The following ALPK2 variants were observed in gnomAD, a reference collection of about 807,000 sequenced individuals.
ALPK2 encodes alpha kinase 2.
Under a neutral mutation model 163.1 loss-of-function variants are expected in ALPK2, and 127 were observed. That is an observed-to-expected ratio of 0.78 (90% CI 0.67 to 0.90). The LOEUF is 0.90. ALPK2 is among the 40% of genes least tolerant of loss of function. ALPK2 has a pLI of 0.00. For synonymous variants in ALPK2, 953 were observed against 959.1 expected, an observed-to-expected ratio of 0.99 and a Z score of 0.12; for missense variants, 2,360 against 2,589.6, an observed-to-expected ratio of 0.91 and a Z score of 1.92.
At chr18:58,578,560 A>G (rs569494013) in intron 4 of ALPK2, 42 of 349,362 alleles carry the variant, frequency 1.2e-4, no homozygotes, top group Non-Finnish European at 1.8e-4. Context: ...CTTAACTTCT[A>G]TCAGTCTTTT....
intron 4 of ALPK2, among the ~76,000 whole-genome samples, chr18:58,565,492 T>C (rs1452281367): frequency 6.6e-6 from 1 of 152,230 alleles, no homozygotes; most frequent in East Asian, 1.9e-4. Context: ...GAGCAACTTC[T>C]TGCATATTTA....
intron 3 of ALPK2, among the ~76,000 whole-genome samples, chr18:58,592,912 T>C (rs1018680354): frequency 4.6e-5 from 7 of 152,324 alleles, no homozygotes; most frequent in African/African-American, 1.7e-4. Context: ...TATAAAGTGC[T>C]GAAAGCAAAG....
At chr18:58,591,333 A>C (rs968203690) in intron 3 of ALPK2, among the ~76,000 whole-genome samples, 4 of 152,220 alleles carry the variant, frequency 2.6e-5, no homozygotes, top group Admixed American at 1.3e-4. Context: ...CGGCCAAAAA[A>C]ATGGTAGGAA....
At chr18:58,524,632 G>A (rs1402410294) in intron 6 of ALPK2, among the ~76,000 whole-genome samples, 1 of 152,146 alleles carries the variant, frequency 6.6e-6, no homozygotes, top group Non-Finnish European at 1.5e-5. Flanking sequence ...GGTCATATTG[G>A]TGGTGATGAT....
chr18:58,515,864 C>G (rs968863349), intron 9 of ALPK2, among the ~76,000 whole-genome samples: 2 of 152,136 alleles, frequency 1.3e-5, no homozygotes, highest in African/African-American at 2.4e-5. Flanking sequence ...TAAAGGGGCA[C>G]AGAGCTGGTG....
At chr18:58,586,527 T>G (rs2051987493) in intron 3 of ALPK2, among the ~76,000 whole-genome samples, 1 of 152,144 alleles carries the variant, frequency 6.6e-6, no homozygotes, top group Non-Finnish European at 1.5e-5. Flanking sequence ...AGCTCCACAG[T>G]AGTCTTGAAA....
chr18:58,581,300 T>C (rs2051957830), intron 3 of ALPK2, among the ~76,000 whole-genome samples: 1 of 152,236 alleles, frequency 6.6e-6, no homozygotes, highest in Non-Finnish European at 1.5e-5. Context: ...TCATTCTTGC[T>C]AGAGGCCGTA....
At chr18:58,489,995 C>T (rs960866128) in intron 12 of ALPK2, among the ~76,000 whole-genome samples, 2 of 151,830 alleles carry the variant, frequency 1.3e-5, no homozygotes, top group East Asian at 1.9e-4. Context: ...GCAGGAGAAT[C>T]GCTTGAATGA....
intron 1 of ALPK2, among the ~76,000 whole-genome samples, chr18:58,618,103 T>C (rs1458894181): frequency 6.6e-6 from 1 of 152,214 alleles, no homozygotes; most frequent in Non-Finnish European, 1.5e-5. Context: ...TGGAGTGCAA[T>C]GGCACGATCT....
intron 12 of ALPK2, among the ~76,000 whole-genome samples, chr18:58,489,877 A>G (rs375521325): frequency 3.3e-5 from 5 of 152,008 alleles, no homozygotes; most frequent in African/African-American, 7.2e-5. Flanking sequence ...CTGGTGGATC[A>G]TGAGGTCAGG....
intron 4 of ALPK2, among the ~76,000 whole-genome samples, chr18:58,550,444 T>TCTCC (rs2051747524): frequency 1.9e-4 from 1 of 5,398 alleles, no homozygotes; most frequent in Non-Finnish European, 3.8e-4. Flanking sequence ...CCCCCATCTA[T>TCTCC]ATCATATACA....
intron 3 of ALPK2, among the ~76,000 whole-genome samples, chr18:58,599,912 G>A (rs1295643957): frequency 6.6e-6 from 1 of 152,004 alleles, no homozygotes; most frequent in African/African-American, 2.4e-5. Flanking sequence ...CAGATCTTTG[G>A]ACGCTGGCTG....
At chr18:58,499,805 C>A (rs967472522) in intron 11 of ALPK2, among the ~76,000 whole-genome samples, 6 of 152,250 alleles carry the variant, frequency 3.9e-5, no homozygotes, top group Admixed American at 6.5e-5. Context: ...CATGGAGGGC[C>A]CTGGCAGCCT....
At position 58,536,462 on chromosome 18, in the gene ALPK2, T is replaced by G. The variant is rs1484457490; in HGVS notation, c.3725A>C (p.Glu1242Ala). ...TGGCCAGATTTCAGAAGCGGAAGCC[T>G]CTAGAGTTATAATCTTCAGCTTGTT... Reference protein sequence around the residue: ...AGNKLKIITLEASASEIWPPR... With the variant: ...AGNKLKIITLAASASEIWPPR... Residue 1242 changes from glutamate (E) to alanine (A), a missense_variant, in exon 5 of 13, where the codon GAG becomes GCG. Glu to Ala is a moderately radical substitution (Grantham distance 107). Transcript: ENST00000361673. 6.2e-7 allele frequency: 1 copy of G among 1,614,080 alleles called. No individual in the cohort carries two copies. Among genetic ancestry groups the G allele is most frequent in the East Asian group, 2.2e-5 (1 of 44,888 alleles).
chr18:58,533,976 A>G (rs2051629718), intron 5 of ALPK2, among the ~76,000 whole-genome samples: 2 of 152,188 alleles, frequency 1.3e-5, no homozygotes, highest in African/African-American at 4.8e-5. Flanking sequence ...TTTTCGCTCC[A>G]GAGCACACAG....
intron 5 of ALPK2, among the ~76,000 whole-genome samples, chr18:58,531,900 G>A (rs2051617159): frequency 1.7e-5 from 2 of 116,244 alleles, no homozygotes; most frequent in Admixed American, 1.2e-4. Flanking sequence ...TTGCACCACT[G>A]TGCTCCAGCC....
chr18:58,484,194 T>C (rs9956550), intron 12 of ALPK2, among the ~76,000 whole-genome samples: 50,353 of 151,966 alleles, frequency 0.33, 9,202 homozygotes, highest in African/African-American at 0.49. Flanking sequence ...TTTGTCTATT[T>C]TTGTGTTGAC....
chr18:58,492,898 T>G lies in ALPK2; in HGVS notation c.6296+5151A>C, dbSNP rs527242033. On this transcript the variant is annotated intron_variant, in intron 12 of 12. Coordinates refer to ENST00000361673, the MANE Select transcript of ALPK2 (RefSeq NM_052947.4). ...GCTGGCTCTGTTGGGCCTGGGAGAC[T>G]CCCCCATACACTGAGAGCACTGCTA... is the stretch of plus-strand genomic sequence containing the variant. Among the ~76,000 whole-genome samples, 11 of 152,218 alleles carry G rather than the reference T, an allele frequency of 7.2e-5. No individual in the cohort carries two copies. The East Asian group carries it at 7.7e-4, about 11-fold the overall frequency.
At chr18:58,560,470 G>A (rs772373183) in intron 4 of ALPK2, among the ~76,000 whole-genome samples, 14 of 152,068 alleles carry the variant, frequency 9.2e-5, no homozygotes, top group Non-Finnish European at 1.3e-4. Context: ...GTCCTTTCTC[G>A]ACCTTCAAAG....
Sources: allele counts gnomAD v4.1 joint callset (sites outside exome capture counted in the v4.1 genomes callset), GRCh38; gene constraint gnomAD v4.1.1; transcripts MANE v1.5; gene names NCBI Gene and HGNC (gene_info 2026-07-23, HGNC 2026-07-21).